PEX2: variants seen among roughly 807,000 people sequenced by gnomAD.
PEX2 encodes peroxisome biogenesis factor 2.
In PEX2, 19 loss-of-function variants were observed where a neutral mutation model predicts 25.2. That is an observed-to-expected ratio of 0.75 (90% CI 0.53 to 1.10). PEX2 has a LOEUF of 1.10. PEX2 is among the 50% of genes least tolerant of loss of function. The pLI is 0.00. For synonymous variants in PEX2, 141 were observed against 127.7 expected (o/e 1.10, Z -0.70); for missense variants, 347 against 350.6 (o/e 0.99, Z 0.08).
intron 1 of PEX2, among the ~76,000 whole-genome samples, chr8:76,993,636 T>C (rs1586076943): frequency 6.6e-6 from 1 of 152,232 alleles, no homozygotes; most frequent in Non-Finnish European, 1.5e-5. Context: ...GTTTTATAAA[T>C]GTAAGCTCAA....
intron 1 of PEX2, among the ~76,000 whole-genome samples, chr8:76,990,556 T>G (rs1269191518): frequency 6.6e-6 from 1 of 152,130 alleles, no homozygotes; most frequent in East Asian, 1.9e-4. Context: ...CTTGAACACT[T>G]AAGAGGCCAT....
At position 76,980,806 on chromosome 8, in the gene PEX2, T is replaced by A. The variant is rs774452668; in HGVS notation, c.*2455A>T. ...ACTATTATATTCTATTTACTATGTG[T>A]CAGGCATTGTTTTAAGAGCTTTATA... On this transcript the variant is annotated 3_prime_UTR_variant, in exon 4 of 4. Coordinates refer to ENST00000357039, the MANE Select transcript of PEX2 (RefSeq NM_000318.3). 1.3e-5 allele frequency: 2 copies of A among 152,234 alleles called. No individual in the cohort carries two copies. Among genetic ancestry groups the A allele is most frequent in the Non-Finnish European group, 2.9e-5 (2 of 68,042 alleles). 9.4% of individuals were successfully genotyped at this position (152,234 alleles called of 1,614,324 possible). A position where few individuals can be genotyped will look rare whatever the true frequency, so the allele number is the denominator to read the frequency against.
chr8:76,996,172 C>T (rs1273457158), intron 1 of PEX2, among the ~76,000 whole-genome samples: 1 of 152,304 alleles, frequency 6.6e-6, no homozygotes, highest in Non-Finnish European at 1.5e-5. Context: ...CCAGAGAAAA[C>T]ACTTAACACC....
Position 76,982,451 on chromosome 8 carries a change from C to A in PEX2, c.*810G>T, listed in dbSNP as rs1283109168. 1 of 152,196 alleles carries A rather than the reference C, an allele frequency of 6.6e-6. No individual in the cohort carries two copies. The highest frequency in any genetic ancestry group is 1.5e-5 in the Non-Finnish European group (1 of 68,066). The allele number at this position is 152,196 out of a possible 1,614,324, so 9.4% of individuals were successfully genotyped here. ...TTTTACTTTCTGAATATAAAGCCAA[C>A]TGTGGAGGGGTCAGACAGCTGAGGA... On this transcript the variant is annotated 3_prime_UTR_variant, in exon 4 of 4. Coordinates refer to ENST00000357039, the MANE Select transcript of PEX2 (RefSeq NM_000318.3).
Position 76,983,867 on chromosome 8 carries a change from G to C in PEX2, c.312C>G (p.Ile104Met), listed in dbSNP as rs1242924229. 15 of 1,613,956 alleles carry C rather than the reference G, an allele frequency of 9.3e-6. No individual in the cohort carries two copies. The highest frequency in any genetic ancestry group is 1.3e-5 in the Non-Finnish European group (15 of 1,180,004). The change falls in exon 4 of 4, where the codon ATC becomes ATG. Residue 104 changes from isoleucine to methionine, a missense_variant. Coordinates refer to ENST00000357039, the MANE Select transcript of PEX2 (RefSeq NM_000318.3). ...CACCAATTGTACAAACAGCATACCA[G>C]ATTTTTTGATTTTTACTGGGTGGCT... ...RYQPPSKNQK[I>M]WYAVCTIGGR...
At chr8:76,987,720 G>T (rs998105863) in intron 2 of PEX2, among the ~76,000 whole-genome samples, 2 of 152,124 alleles carry the variant, frequency 1.3e-5, no homozygotes, top group Admixed American at 6.5e-5. Context: ...AGAGAGAAAA[G>T]GGTTATCTTT....
upstream of PEX2, among the ~76,000 whole-genome samples, chr8:77,000,437 C>T (rs938919430): frequency 2.0e-5 from 3 of 151,824 alleles, no homozygotes; most frequent in African/African-American, 7.2e-5. Context: ...TTGCGGACAT[C>T]GCGAAGGGCC....
chr8:76,992,032 T>C (rs866615326), intron 1 of PEX2, among the ~76,000 whole-genome samples: 6 of 152,156 alleles, frequency 3.9e-5, no homozygotes, highest in Admixed American at 6.5e-5. Flanking sequence ...CCAGGAAATA[T>C]TGACATCATT....
In PEX2 at chr8:76,983,702, C is replaced by T. The variant is rs35218706; in HGVS notation, c.477G>A (p.Gln159=). The T allele has an allele frequency of 2.6e-4, 426 of 1,614,092 alleles. No homozygotes were observed. In the African/African-American group the frequency reaches 4.9e-3, roughly 19 times the overall value. Residue 159 remains glutamine, a synonymous_variant, in exon 4 of 4, where the codon CAG becomes CAA. Transcript: ENST00000357039. ...CTGTCAAAGTTGCAAACTTTCCCCTCTGAAGGAAAATCAAAAAATTAATCA... is the reference window on the plus strand; with the variant it reads ...CTGTCAAAGTTGCAAACTTTCCCCTTTGAAGGAAAATCAAAAAATTAATCA... ...GGLINFLIFL[Q]RGKFATLTER...
In PEX2 at chr8:76,983,433, T is replaced by C. The variant is rs778143627; in HGVS notation, c.746A>G (p.Glu249Gly). 2 of 1,614,036 alleles carry C rather than the reference T, an allele frequency of 1.2e-6. No homozygotes were observed. The highest frequency in any genetic ancestry group is 1.3e-5 in the African/African-American group (1 of 74,930). The change falls in exon 4 of 4, where the codon GAG becomes GGG. Residue 249 changes from glutamate (E) to glycine (G), a missense_variant. By Grantham distance (98) the Glu-to-Gly change is moderately conservative. Coordinates refer to ENST00000357039, the MANE Select transcript of PEX2 (RefSeq NM_000318.3). ...TATGGTGTGAGGCATGGTGGGCCAC[T>C]CTCCACATAGAGCGCATTCTTTGCC... ...TSGKECALCG[E>G]WPTMPHTIGC...
At chr8:76,995,253 G>A (rs928739822) in intron 1 of PEX2, among the ~76,000 whole-genome samples, 1 of 152,120 alleles carries the variant, frequency 6.6e-6, no homozygotes, top group Non-Finnish European at 1.5e-5. Flanking sequence ...GTGCTCATTT[G>A]GGTATAGCCA....
At chr8:77,000,090 CG>C, upstream of PEX2, 1 of 386,132 alleles carries the variant, frequency 2.6e-6, no homozygotes, top group Admixed American at 3.4e-5. Context: ...CCAAGGCTTC[CG>C]GAACTCGCAG....
intron 1 of PEX2, among the ~76,000 whole-genome samples, chr8:76,992,375 C>T (rs141644817): frequency 5.9e-5 from 9 of 152,312 alleles, no homozygotes; most frequent in East Asian, 1.9e-4. Flanking sequence ...AGACAAGCAA[C>T]AAACTTGTAT....
Position 76,983,381 on chromosome 8 carries a change from G to C in PEX2, c.798C>G (p.Phe266Leu). The C allele has an allele frequency of 1.9e-6, 3 of 1,614,038 alleles. No individual in the cohort carries two copies. In the South Asian group the frequency reaches 3.3e-5, roughly 18 times the overall value. The change falls in exon 4 of 4, where the codon TTC becomes TTG. Residue 266 changes from phenylalanine (F) to leucine (L), a missense_variant. Transcript: ENST00000357039. ...CAAATAAGAAACTACTCTTAGCACA[G>C]AAATAACAGAAAATATGCTCACATC... is the stretch of plus-strand genomic sequence containing the variant. ...TIGCEHIFCY[F>L]CAKSSFLFDV...
chr8:76,983,371 T>C lies in PEX2; in HGVS notation c.808A>G (p.Ser270Gly), dbSNP rs1806894482. 6.2e-7 allele frequency: 1 copy of C among 1,613,964 alleles called. No homozygotes were observed. Among genetic ancestry groups the C allele is most frequent in the East Asian group, 2.2e-5 (1 of 44,890 alleles). The change falls in exon 4 of 4, where the codon AGT becomes GGT. Residue 270 changes from serine (S) to glycine (G), a missense_variant. Physicochemically the swap from Ser to Gly is moderately conservative, Grantham distance 56 (BLOSUM62 0). Transcript: ENST00000357039. The part of the protein sequence containing the change: ...EHIFCYFCAK[S>G]SFLFDVYFTC... ...AAGTACACGTCAAATAAGAAACTACTCTTAGCACAGAAATAACAGAAAATA... is the reference window on the plus strand; with the variant it reads ...AAGTACACGTCAAATAAGAAACTACCCTTAGCACAGAAATAACAGAAAATA...
intron 1 of PEX2, among the ~76,000 whole-genome samples, chr8:76,991,999 T>C (rs1422298928): frequency 6.6e-6 from 1 of 152,216 alleles, no homozygotes; most frequent in Non-Finnish European, 1.5e-5. Context: ...AATGCCTCAA[T>C]CAACCTGTAT....
chr8:76,999,401 ATGT>A (rs1368922855), intron 1 of PEX2, among the ~76,000 whole-genome samples: 1 of 152,224 alleles, frequency 6.6e-6, no homozygotes, highest in Non-Finnish European at 1.5e-5. Flanking sequence ...CCAGGAAAAA[ATGT>A]TAACAATTCT....
chr8:76,987,339 C>G (rs1038977656), intron 2 of PEX2, among the ~76,000 whole-genome samples: 10 of 152,094 alleles, frequency 6.6e-5, no homozygotes, highest in African/African-American at 2.4e-4. Flanking sequence ...AAGCAGCCAC[C>G]TGATATTAGC....
chr8:76,989,925 C>T (rs1381006249), intron 1 of PEX2, among the ~76,000 whole-genome samples: 5 of 152,206 alleles, frequency 3.3e-5, no homozygotes, highest in Non-Finnish European at 7.3e-5. Flanking sequence ...TCCTTTGAAG[C>T]TCTGAAGCCA....
Sources: allele counts gnomAD v4.1 joint callset (sites outside exome capture counted in the v4.1 genomes callset), GRCh38; gene constraint gnomAD v4.1.1; transcripts MANE v1.5; gene names NCBI Gene and HGNC (gene_info 2026-07-23, HGNC 2026-07-21).